The following TBPL1 variants were observed in gnomAD, a reference collection of about 807,000 sequenced individuals.
TBPL1 encodes TATA-box binding protein like 1, also known as TATA box-binding protein-like 1.
Under a neutral mutation model 22.1 loss-of-function variants are expected in TBPL1, and 4 were observed. The observed-to-expected ratio is 0.18, with a 90% confidence interval of 0.09 to 0.41. The LOEUF is 0.41. TBPL1 is among the 10% of genes least tolerant of loss of function. The pLI, the probability that TBPL1 is intolerant of heterozygous loss-of-function variation, is 1.00. For missense variants in TBPL1, 115 were observed against 222.3 expected (o/e 0.52, Z 3.07); for synonymous variants, 64 against 71.0 (o/e 0.90, Z 0.50).
intron 2 of TBPL1, 142 bp downstream of exon 2, chr6:133,980,402 T>A: frequency 1.1e-6 from 1 of 916,588 alleles, no homozygotes; most frequent in Non-Finnish European, 1.5e-6. Context: ...GTGAGCCCTG[T>A]AAAAGCAATC....
intron 1 of TBPL1, among the ~76,000 whole-genome samples, chr6:133,963,293 T>C (rs1015482800): frequency 6.6e-5 from 10 of 152,220 alleles, no homozygotes; most frequent in Non-Finnish European, 7.4e-5. Context: ...CCAGTCGTTC[T>C]CAACTGACTA....
At chr6:133,973,093 G>T (rs1475026784) in intron 1 of TBPL1, among the ~76,000 whole-genome samples, 1 of 152,218 alleles carries the variant, frequency 6.6e-6, no homozygotes, top group Non-Finnish European at 1.5e-5. Context: ...CTAGGCATGT[G>T]TTGAGAGACT....
At position 133,958,346 on chromosome 6, in the gene TBPL1, G is replaced by A. The variant is rs141012513; in HGVS notation, c.-45+4921G>A. 4.3e-3 allele frequency among the ~76,000 whole-genome samples: 655 copies of A among 152,328 alleles called. 4 individuals carry two copies. The highest frequency in any genetic ancestry group is 0.014 in the African/African-American group (563 of 41,558). On this transcript the variant is annotated intron_variant, in intron 1 of 6. Coordinates refer to ENST00000237264, the MANE Select transcript of TBPL1 (RefSeq NM_004865.4). The stretch of plus-strand genomic sequence containing the variant: ...TGAAGCTTGTTAGTATCAGTGTAAA[G>A]CCATGTGTTGTGAGCTTTCTGTGCC...
chr6:133,968,279 A>G lies in TBPL1; in HGVS notation c.-44-11803A>G, dbSNP rs1776156252. Among the ~76,000 whole-genome samples the G allele has an allele frequency of 2.0e-5, 3 of 152,176 alleles. No individual in the cohort carries two copies. In the South Asian group the frequency reaches 6.2e-4, roughly 32 times the overall value. On this transcript the variant is annotated intron_variant, in intron 1 of 6. Coordinates refer to ENST00000237264, the MANE Select transcript of TBPL1 (RefSeq NM_004865.4). ...ATTTCTTATATAATCAGAAAATGAC[A>G]TGCTATCTTCCTTAAATCTTGTATA...
chr6:133,976,649 TA>T (rs1776317422), intron 1 of TBPL1, among the ~76,000 whole-genome samples: 1 of 152,118 alleles, frequency 6.6e-6, no homozygotes. Flanking sequence ...TCACTACACT[TA>T]AAAATACAAG....
chr6:133,958,871 A>G (rs2114322488), intron 1 of TBPL1, among the ~76,000 whole-genome samples: 1 of 152,186 alleles, frequency 6.6e-6, no homozygotes, highest in South Asian at 2.1e-4. Flanking sequence ...TATTTGTTTC[A>G]GCTGGTTTTT....
intron 1 of TBPL1, among the ~76,000 whole-genome samples, chr6:133,974,028 T>C (rs1347870452): frequency 6.8e-6 from 1 of 147,696 alleles, no homozygotes; most frequent in Non-Finnish European, 1.5e-5. Flanking sequence ...AAAGTCACCC[T>C]GCTGTGCCAA....
intron 6 of TBPL1, among the ~76,000 whole-genome samples, chr6:133,986,474 T>C (rs1776526601): frequency 6.6e-6 from 1 of 152,162 alleles, no homozygotes; most frequent in Non-Finnish European, 1.5e-5. Flanking sequence ...AATATGTGGA[T>C]ACCCAGTGGT....
intron 1 of TBPL1, among the ~76,000 whole-genome samples, chr6:133,956,037 TC>T (rs760079211): frequency 4.6e-5 from 7 of 152,128 alleles, no homozygotes; most frequent in Non-Finnish European, 1.0e-4. Context: ...TTTAAAAAAA[TC>T]AGAAAATACT....
At chr6:133,976,910 G>A (rs932123148) in intron 1 of TBPL1, among the ~76,000 whole-genome samples, 4 of 151,076 alleles carry the variant, frequency 2.6e-5, no homozygotes, top group Non-Finnish European at 5.9e-5. Flanking sequence ...GGAGGTTGCC[G>A]TGAGCCAAGA....
chr6:133,962,319 A>T (rs1013903433), intron 1 of TBPL1, among the ~76,000 whole-genome samples: 1 of 152,212 alleles, frequency 6.6e-6, no homozygotes, highest in Non-Finnish European at 1.5e-5. Flanking sequence ...GGATTAGAGC[A>T]TGGAGAATGC....
At chr6:133,982,455 G>T in intron 2 of TBPL1, 113 bp from the exon 3 acceptor site, 1 of 781,580 alleles carries the variant, frequency 1.3e-6, no homozygotes, top group Non-Finnish European at 2.0e-6. Context: ...AGCAGTTATT[G>T]CAGTCTTGGA....
At position 133,956,755 on chromosome 6, in the gene TBPL1, G is replaced by C. The variant is rs555458016; in HGVS notation, c.-45+3330G>C. 2.0e-5 allele frequency among the ~76,000 whole-genome samples: 3 copies of C among 152,300 alleles called. No individual in the cohort carries two copies. In the East Asian group the frequency reaches 5.8e-4, roughly 29 times the overall value. Reference sequence around the variant, plus strand: ...GCTGTGGGCATGCAAATTACAAGCAGTGACACTTTCTCAAGCATGATTACA... The same window carrying C: ...GCTGTGGGCATGCAAATTACAAGCACTGACACTTTCTCAAGCATGATTACA... On this transcript the variant is annotated intron_variant, in intron 1 of 6. Coordinates refer to ENST00000237264, the MANE Select transcript of TBPL1 (RefSeq NM_004865.4).
chr6:133,978,182 G>T (rs923129371), intron 1 of TBPL1, among the ~76,000 whole-genome samples: 2 of 152,168 alleles, frequency 1.3e-5, no homozygotes, highest in African/African-American at 4.8e-5. Flanking sequence ...TGTCCAGATG[G>T]CTCAGTAACT....
chr6:133,973,223 A>C (rs975991494), intron 1 of TBPL1, among the ~76,000 whole-genome samples: 2 of 152,162 alleles, frequency 1.3e-5, no homozygotes, highest in Non-Finnish European at 2.9e-5. Flanking sequence ...GAAAAGAGCT[A>C]TCTCTAGGAG....
At chr6:133,984,773 C>A in intron 6 of TBPL1, 102 bp downstream of exon 6, 1 of 1,026,692 alleles carries the variant, frequency 9.7e-7, no homozygotes, top group Non-Finnish European at 1.4e-6. Context: ...CTTTCAGTCA[C>A]TTCTGCCCTT....
intron 2 of TBPL1, among the ~76,000 whole-genome samples, chr6:133,980,613 A>G (rs1776392089): frequency 6.6e-6 from 1 of 151,578 alleles, no homozygotes; most frequent in Admixed American, 6.6e-5. Context: ...ATATATTATA[A>G]TTTTTATAAT....
chr6:133,964,455 G>GT (rs200531874), intron 1 of TBPL1, among the ~76,000 whole-genome samples: 5,878 of 140,872 alleles, frequency 0.042, 130 homozygotes, highest in Non-Finnish European at 0.048. Context: ...GGTTTTTTGG[G>GT]TTTTTTTTTT....
chr6:133,982,460 C>G, intron 2 of TBPL1, 108 bp from the exon 3 acceptor site: 1 of 872,874 alleles, frequency 1.1e-6, no homozygotes, highest in Non-Finnish European at 1.7e-6. Flanking sequence ...TTATTGCAGT[C>G]TTGGATAAGC....
Sources: allele counts gnomAD v4.1 joint callset (sites outside exome capture counted in the v4.1 genomes callset), GRCh38; gene constraint gnomAD v4.1.1; transcripts MANE v1.5; gene names NCBI Gene and HGNC (gene_info 2026-07-23, HGNC 2026-07-21).